Variants in NTNG1 observed in about 807,000 individuals in gnomAD.
The protein encoded by NTNG1 is netrin G1, also known as netrin-G1.
Under a neutral mutation model 54.0 loss-of-function variants are expected in NTNG1, and 16 were observed. The observed-to-expected ratio is 0.30, with a 90% CI of 0.20 to 0.45. The LOEUF is 0.45. Ranked by LOEUF, NTNG1 falls within the 20% of genes least tolerant of loss-of-function variation. The pLI is 1.00. For synonymous variants in NTNG1, 255 were observed against 263.1 expected, an observed-to-expected ratio of 0.97 and a Z score of 0.30; for missense variants, 530 against 678.7, an observed-to-expected ratio of 0.78 and a Z score of 2.43.
intron 2 of NTNG1, among the ~76,000 whole-genome samples, chr1:107,189,724 G>A (rs1020998332): frequency 6.6e-6 from 1 of 151,110 alleles, no homozygotes; most frequent in Admixed American, 6.6e-5. Context: ...CACCCTGGAC[G>A]ACAAATAGTT....
intron 6 of NTNG1, among the ~76,000 whole-genome samples, chr1:107,432,373 C>G (rs1197549285): frequency 6.6e-6 from 1 of 152,186 alleles, no homozygotes; most frequent in African/African-American, 2.4e-5. Context: ...AATCTTACAG[C>G]AAAGGGTTTC....
At chr1:107,462,975 G>A (rs1677371339) in intron 7 of NTNG1, among the ~76,000 whole-genome samples, 1 of 152,172 alleles carries the variant, frequency 6.6e-6, no homozygotes, top group African/African-American at 2.4e-5. Context: ...CACAATCCTT[G>A]CAATTTCTCC....
intron 2 of NTNG1, among the ~76,000 whole-genome samples, chr1:107,227,839 T>C (rs1204305074): frequency 6.6e-6 from 1 of 152,146 alleles, no homozygotes; most frequent in Admixed American, 6.5e-5. Flanking sequence ...AAGATACTTT[T>C]TCACTGAAAT....
intron 2 of NTNG1, among the ~76,000 whole-genome samples, chr1:107,204,200 A>G (rs1658994147): frequency 6.6e-6 from 1 of 152,044 alleles, no homozygotes; most frequent in Admixed American, 6.6e-5. Context: ...TACAACTTTT[A>G]GCATTAAATT....
intron 2 of NTNG1, among the ~76,000 whole-genome samples, chr1:107,315,660 GTCTT>G (rs912079535): frequency 2.6e-5 from 4 of 152,158 alleles, no homozygotes; most frequent in African/African-American, 9.7e-5. Flanking sequence ...CCAAGGTGTA[GTCTT>G]TCTTACTTTC....
At chr1:107,218,303 A>G (rs1570883801) in intron 2 of NTNG1, among the ~76,000 whole-genome samples, 2 of 152,268 alleles carry the variant, frequency 1.3e-5, no homozygotes, top group Middle Eastern at 3.4e-3. Context: ...TTTGCATGGA[A>G]TATCTTTTTC....
intron 2 of NTNG1, among the ~76,000 whole-genome samples, chr1:107,280,148 G>A (rs1380413282): frequency 2.6e-5 from 3 of 115,930 alleles, no homozygotes; most frequent in African/African-American, 6.4e-5. Context: ...GATGTGTTTC[G>A]GTGCTAACCT....
intron 3 of NTNG1, among the ~76,000 whole-genome samples, chr1:107,356,530 G>A (rs868744490): frequency 6.6e-6 from 1 of 152,250 alleles, no homozygotes; most frequent in South Asian, 2.1e-4. Context: ...CTGGCCTCAA[G>A]TGATCTGCTT....
intron 2 of NTNG1, among the ~76,000 whole-genome samples, chr1:107,174,244 C>T (rs755279930): frequency 2.0e-5 from 3 of 151,892 alleles, no homozygotes; most frequent in Non-Finnish European, 4.4e-5. Flanking sequence ...TCTATTGCCC[C>T]CAATTTAAAA....
At chr1:107,375,703 C>T (rs2101008982) in intron 3 of NTNG1, among the ~76,000 whole-genome samples, 1 of 152,324 alleles carries the variant, frequency 6.6e-6, no homozygotes. Flanking sequence ...TTAGTGCCTC[C>T]ACCTTCAGGT....
intron 2 of NTNG1, among the ~76,000 whole-genome samples, chr1:107,235,938 C>G (rs1661381478): frequency 6.6e-6 from 1 of 152,132 alleles, no homozygotes; most frequent in Admixed American, 6.5e-5. Flanking sequence ...CTCTCACACT[C>G]TGCCCCCACA....
rs1345578070 is a variant in NTNG1, at chr1:107,395,199, C to A, written c.933C>A (p.Ser311Arg). ...CCACTGTATGTGTGTATGACAACAGCAAATTGACATGCGAATGTGAGCACA... is the reference window on the plus strand; with the variant it reads ...CCACTGTATGTGTGTATGACAACAGAAAATTGACATGCGAATGTGAGCACA... ...LHATVCVYDN[S>R]KLTCECEHNT... Residue 311 changes from serine (S) to arginine (R), a missense_variant, in exon 4 of 8, where the codon AGC becomes AGA. Coordinates refer to ENST00000370068, the MANE Select transcript of NTNG1 (RefSeq NM_001113226.3). 1 of 1,613,254 alleles carries A rather than the reference C, an allele frequency of 6.2e-7. No individual in the cohort carries two copies. The highest frequency in any genetic ancestry group is 2.2e-5 in the East Asian group (1 of 44,880).
intron 2 of NTNG1, among the ~76,000 whole-genome samples, chr1:107,162,294 G>A (rs72979566): frequency 0.067 from 10,128 of 152,034 alleles, 560 homozygotes; most frequent in African/African-American, 0.15. Flanking sequence ...AACTCCTATC[G>A]ACAGATTTTA....
At chr1:107,179,734 C>T (rs774970675) in intron 2 of NTNG1, among the ~76,000 whole-genome samples, 9 of 152,034 alleles carry the variant, frequency 5.9e-5, no homozygotes, top group Non-Finnish European at 1.3e-4. Flanking sequence ...CTGATCCTCT[C>T]CCTCCTCCTC....
intron 2 of NTNG1, among the ~76,000 whole-genome samples, chr1:107,273,584 A>G (rs186101552): frequency 1.8e-4 from 28 of 152,360 alleles, no homozygotes; most frequent in Non-Finnish European, 8.8e-5. Flanking sequence ...AGTCTGCCAC[A>G]GAATGCCTCA....
At chr1:107,412,456 G>T (rs1673883977) in intron 5 of NTNG1, among the ~76,000 whole-genome samples, 1 of 152,168 alleles carries the variant, frequency 6.6e-6, no homozygotes, top group Non-Finnish European at 1.5e-5. Flanking sequence ...AACCAGGAAT[G>T]CCTATCTGGC....
intron 4 of NTNG1, among the ~76,000 whole-genome samples, chr1:107,399,944 T>A (rs887470707): frequency 2.6e-5 from 4 of 152,132 alleles, no homozygotes; most frequent in African/African-American, 4.8e-5. Context: ...TCCCCTTCTA[T>A]TAGTCTTTTA....
intron 7 of NTNG1, among the ~76,000 whole-genome samples, chr1:107,474,488 T>A (rs1349299474): frequency 6.6e-6 from 1 of 152,224 alleles, no homozygotes; most frequent in Non-Finnish European, 1.5e-5. Context: ...CCTGGAAACT[T>A]GTGTTGAGAA....
intron 2 of NTNG1, among the ~76,000 whole-genome samples, chr1:107,207,777 T>C (rs554958278): frequency 5.9e-5 from 9 of 152,348 alleles, no homozygotes; most frequent in South Asian, 2.1e-4. Context: ...TCGTAGCTCA[T>C]GTTTCATGGA....
Sources: allele counts gnomAD v4.1 joint callset (sites outside exome capture counted in the v4.1 genomes callset), GRCh38; gene constraint gnomAD v4.1.1; transcripts MANE v1.5; gene names NCBI Gene and HGNC (gene_info 2026-07-23, HGNC 2026-07-21).